RIMS2: variants seen among roughly 807,000 people sequenced by gnomAD.
RIMS2 encodes the protein regulating synaptic membrane exocytosis protein 2.
RIMS2 carries 59 observed loss-of-function variants against 174.4 expected under a neutral mutation model. That is an observed-to-expected ratio of 0.34 (90% confidence interval 0.27 to 0.42). The LOEUF is 0.42. Among genes scored for constraint, RIMS2 ranks in the 10% least tolerant of loss-of-function variants. The probability of loss-of-function intolerance (pLI) is 1.00; values close to 1 mark genes in which losing one functional copy is unlikely to be tolerated. For synonymous variants in RIMS2, 606 were observed against 572.5 expected, an observed-to-expected ratio of 1.06 and a Z score of -0.84; for missense variants, 1,620 against 1,666.3, an observed-to-expected ratio of 0.97 and a Z score of 0.48.
At chr8:103,994,757 AC>A (rs2094962576) in intron 17 of RIMS2, among the ~76,000 whole-genome samples, 1 of 152,116 alleles carries the variant, frequency 6.6e-6, no homozygotes, top group Admixed American at 6.5e-5. Flanking sequence ...GAGGGTCATG[AC>A]CAGATAAGGT....
intron 3 of RIMS2, among the ~76,000 whole-genome samples, chr8:103,836,815 C>A (rs2098896707): frequency 6.6e-6 from 1 of 152,100 alleles, no homozygotes; most frequent in Non-Finnish European, 1.5e-5. Flanking sequence ...AAACTATTAC[C>A]ATATTTCCCA....
chr8:103,859,778 T>C (rs2099048723), intron 3 of RIMS2, among the ~76,000 whole-genome samples: 1 of 152,104 alleles, frequency 6.6e-6, no homozygotes, highest in South Asian at 2.1e-4. Context: ...TAATTACTTG[T>C]TATGTGGTCT....
chr8:103,759,807 C>G (rs952211447), intron 2 of RIMS2, among the ~76,000 whole-genome samples: 1 of 151,952 alleles, frequency 6.6e-6, no homozygotes, highest in Non-Finnish European at 1.5e-5. Context: ...CTGGTGGGAA[C>G]CGAAGTGAGA....
intron 2 of RIMS2, among the ~76,000 whole-genome samples, chr8:103,756,998 TGTGTGTGTGTGTGAGAGAGA>T (rs1387057390): frequency 1.4e-5 from 2 of 141,846 alleles, no homozygotes; most frequent in East Asian, 4.0e-4. Flanking sequence ...TGTGTGTGTG[TGTGTGTGTGTGTGAGAGAGA>T]GAGAGAGAGA....
intron 1 of RIMS2, among the ~76,000 whole-genome samples, chr8:103,627,121 C>T (rs895124887): frequency 2.6e-5 from 4 of 152,268 alleles, no homozygotes; most frequent in Non-Finnish European, 4.4e-5. Context: ...CCCAGAGCGG[C>T]CATCTATAGA....
rs1310617620 is a variant in RIMS2, at chr8:103,797,423, A to G, written c.698+30886A>G. On this transcript the variant is annotated intron_variant, in intron 3 of 23. Transcript: ENST00000504942. ...GTTAAGGTTCTAGAAATGGAATACT[A>G]GTTGAATTAGAATGAATTGAACTAA... Among the ~76,000 whole-genome samples, 4 of 152,324 alleles carry G rather than the reference A, an allele frequency of 2.6e-5. No individual in the cohort carries two copies. In the East Asian group the frequency reaches 5.8e-4, roughly 22 times the overall value.
intron 1 of RIMS2, among the ~76,000 whole-genome samples, chr8:103,628,354 GTTT>G (rs5893660): frequency 2.9e-5 from 4 of 136,486 alleles, no homozygotes; most frequent in Non-Finnish European, 4.7e-5. Flanking sequence ...TGAGATCCCT[GTTT>G]TTTTTTTTTT....
intron 1 of RIMS2, among the ~76,000 whole-genome samples, chr8:103,562,768 G>T (rs1040572144): frequency 1.3e-5 from 2 of 152,088 alleles, no homozygotes; most frequent in Non-Finnish European, 2.9e-5. Context: ...TTCTATGAGG[G>T]CCCCGTCCCT....
At chr8:103,951,551 G>A (rs2085367520) in intron 14 of RIMS2, among the ~76,000 whole-genome samples, 1 of 152,184 alleles carries the variant, frequency 6.6e-6, no homozygotes, top group African/African-American at 2.4e-5. Flanking sequence ...ATTAGGGACT[G>A]TACCTTGGAC....
At chr8:103,609,314 C>T (rs6991393) in intron 1 of RIMS2, among the ~76,000 whole-genome samples, 27,719 of 152,048 alleles carry the variant, frequency 0.18, 2,773 homozygotes, top group African/African-American at 0.26. Context: ...GTTGTCTGTT[C>T]ACTTTGTTGA....
intron 3 of RIMS2, among the ~76,000 whole-genome samples, chr8:103,785,178 ATGGGGTT>A (rs1276237235): frequency 6.9e-6 from 1 of 144,822 alleles, no homozygotes; most frequent in Non-Finnish European, 1.5e-5. Context: ...GGCTGAGACG[ATGGGGTT>A]TTCTAGATAT....
intron 1 of RIMS2, among the ~76,000 whole-genome samples, chr8:103,696,080 C>T (rs973269655): frequency 6.6e-6 from 1 of 151,992 alleles, no homozygotes; most frequent in Admixed American, 6.5e-5. Flanking sequence ...TTTCTGTGAA[C>T]AATTACACAT....
intron 3 of RIMS2, among the ~76,000 whole-genome samples, chr8:103,852,566 G>A (rs1461888842): frequency 6.6e-6 from 1 of 151,430 alleles, no homozygotes; most frequent in East Asian, 1.9e-4. Flanking sequence ...TCTCCCTCCC[G>A]CCTCAAGTGC....
At chr8:104,064,579 C>A (rs72683183) in intron 19 of RIMS2, among the ~76,000 whole-genome samples, 19,596 of 151,712 alleles carry the variant, frequency 0.13, 1,729 homozygotes, top group Non-Finnish European at 0.19. Context: ...ATATACATAT[C>A]AAAAAACAGA....
At chr8:103,565,706 A>G (rs955930714) in intron 1 of RIMS2, among the ~76,000 whole-genome samples, 10 of 152,164 alleles carry the variant, frequency 6.6e-5, no homozygotes, top group South Asian at 2.1e-4. Context: ...TAGGTCTACT[A>G]TACTGTTAAT....
At chr8:103,975,120 A>G (rs2093303853) in intron 15 of RIMS2, among the ~76,000 whole-genome samples, 1 of 152,180 alleles carries the variant, frequency 6.6e-6, no homozygotes, top group Non-Finnish European at 1.5e-5. Context: ...ACGCAGCACA[A>G]TGCCTTGGAT....
At chr8:103,623,432 A>G (rs1362032220) in intron 1 of RIMS2, among the ~76,000 whole-genome samples, 1 of 150,692 alleles carries the variant, frequency 6.6e-6, no homozygotes, top group Admixed American at 6.6e-5. Flanking sequence ...TAAATGTTGA[A>G]TCATTTCCTT....
chr8:103,523,640 T>C lies in RIMS2; in HGVS notation c.176+22578T>C, dbSNP rs187135470. The stretch of plus-strand genomic sequence containing the variant: ...TTGGGGGACATGATGATAGTCAGTG[T>C]TATAGAGTGAGGGCAAATGAGGTGG... On this transcript the variant is annotated intron_variant, in intron 1 of 23. Coordinates refer to ENST00000504942, the Ensembl canonical transcript of RIMS2. 2.6e-5 allele frequency among the ~76,000 whole-genome samples: 4 copies of C among 152,146 alleles called. No individual in the cohort carries two copies. In the East Asian group the frequency reaches 7.7e-4, roughly 29 times the overall value.
intron 19 of RIMS2, among the ~76,000 whole-genome samples, chr8:104,042,258 G>C (rs185254953): frequency 2.6e-5 from 4 of 151,608 alleles, no homozygotes; most frequent in Admixed American, 2.6e-4. Context: ...TTTGTAGAGA[G>C]CATTTCAGGC....
Sources: allele counts gnomAD v4.1 joint callset (sites outside exome capture counted in the v4.1 genomes callset), GRCh38; gene constraint gnomAD v4.1.1; transcripts MANE v1.5; gene names NCBI Gene and HGNC (gene_info 2026-07-23, HGNC 2026-07-21).